MAST4: variants seen among roughly 807,000 people sequenced by gnomAD.
The protein encoded by MAST4 is microtubule associated serine/threonine kinase family member 4, also known as microtubule-associated serine/threonine-protein kinase 4.
MAST4 carries 89 observed loss-of-function variants against 162.7 expected under a neutral mutation model. That is an observed-to-expected ratio of 0.55 (90% CI 0.46 to 0.65). The LOEUF is 0.65. MAST4 is among the 30% of genes least tolerant of loss of function. The pLI is 0.00. For missense variants in MAST4, 3,153 were observed against 3,374.0 expected (o/e 0.93, Z 1.62); for synonymous variants, 1,479 against 1,361.1 (o/e 1.09, Z -1.91).
chr5:66,705,564 A>G (rs750725367), intron 1 of MAST4, among the ~76,000 whole-genome samples: 6 of 152,208 alleles, frequency 3.9e-5, no homozygotes, highest in Non-Finnish European at 7.4e-5. Flanking sequence ...TGACACTTCC[A>G]TTTAAAATGC....
intron 3 of MAST4, among the ~76,000 whole-genome samples, chr5:66,818,640 C>T (rs534538685): frequency 1.4e-4 from 22 of 152,136 alleles, no homozygotes; most frequent in Non-Finnish European, 1.2e-4. Flanking sequence ...TGTGTGGGTA[C>T]GTGCACATTT....
chr5:66,819,214 G>A (rs770702389), intron 3 of MAST4, among the ~76,000 whole-genome samples: 4 of 152,124 alleles, frequency 2.6e-5, no homozygotes, highest in Non-Finnish European at 4.4e-5. Flanking sequence ...GTGGAATGAC[G>A]AGCAAGATTC....
At chr5:66,655,629 C>G (rs900954703) in intron 1 of MAST4, among the ~76,000 whole-genome samples, 1 of 152,152 alleles carries the variant, frequency 6.6e-6, no homozygotes, top group Non-Finnish European at 1.5e-5. Flanking sequence ...GGAGAGAATA[C>G]AAAGACGGCT....
rs149658032 is a variant in MAST4 at position 67,096,022 on chromosome 5, C to T, written c.912+347C>T. On this transcript the variant is annotated intron_variant, in intron 7 of 28. Coordinates refer to ENST00000403625, the MANE Select transcript of MAST4 (RefSeq NM_001164664.2). ...TGCCAGTGACATTATGCTAAAAATG[C>T]CATTGAACTTCGATAGACTGGGTCT... Among the ~76,000 whole-genome samples, 598 of 151,990 alleles carry T rather than the reference C, an allele frequency of 3.9e-3. 5 individuals carry two copies. Among genetic ancestry groups the T allele is most frequent in the African/African-American group, 0.012 (506 of 41,462 alleles).
At chr5:66,612,570 AG>A (rs1743361912) in intron 1 of MAST4, among the ~76,000 whole-genome samples, 1 of 152,214 alleles carries the variant, frequency 6.6e-6, no homozygotes, top group Non-Finnish European at 1.5e-5. Flanking sequence ...AGATCTGGTC[AG>A]GGCCTAAAGC....
intron 3 of MAST4, among the ~76,000 whole-genome samples, chr5:66,818,775 C>T (rs1413161443): frequency 6.6e-6 from 1 of 152,218 alleles, no homozygotes; most frequent in African/African-American, 2.4e-5. Context: ...TGTTCAGGAA[C>T]ATGGCGGCCA....
chr5:67,028,001 C>T (rs1441842708), intron 4 of MAST4, among the ~76,000 whole-genome samples: 3 of 152,172 alleles, frequency 2.0e-5, no homozygotes, highest in Non-Finnish European at 2.9e-5. Flanking sequence ...TCTCTACCTT[C>T]TTGAACGCTT....
intron 3 of MAST4, among the ~76,000 whole-genome samples, chr5:66,897,233 A>T (rs975447408): frequency 1.4e-4 from 21 of 152,134 alleles, no homozygotes; most frequent in Non-Finnish European, 2.9e-5. Flanking sequence ...CACTCCACAT[A>T]TGTCAAGCAC....
chr5:66,745,044 T>C (rs914131134), intron 1 of MAST4, among the ~76,000 whole-genome samples: 1 of 152,216 alleles, frequency 6.6e-6, no homozygotes, highest in African/African-American at 2.4e-5. Flanking sequence ...TGGTGTCAGG[T>C]ATGATCCCAG....
At chr5:67,040,634 C>T (rs899866127) in intron 4 of MAST4, among the ~76,000 whole-genome samples, 1 of 152,190 alleles carries the variant, frequency 6.6e-6, no homozygotes, top group Non-Finnish European at 1.5e-5. Flanking sequence ...ATCTCTTGTA[C>T]CTGACCCTCA....
At chr5:66,785,900 ACT>A (rs1390006323) in intron 2 of MAST4, among the ~76,000 whole-genome samples, 1 of 152,040 alleles carries the variant, frequency 6.6e-6, no homozygotes, top group Non-Finnish European at 1.5e-5. Context: ...ATAGTGTCTC[ACT>A]CTGTCACCCA....
intron 3 of MAST4, among the ~76,000 whole-genome samples, chr5:66,824,602 A>G (rs1757153647): frequency 6.6e-6 from 1 of 152,242 alleles, no homozygotes; most frequent in Non-Finnish European, 1.5e-5. Flanking sequence ...GGGGTAACCA[A>G]CACAGAACTA....
intron 3 of MAST4, among the ~76,000 whole-genome samples, chr5:66,851,488 G>T (rs182831987): frequency 6.6e-6 from 1 of 152,196 alleles, no homozygotes; most frequent in African/African-American, 2.4e-5. Context: ...GCCTTGAGTA[G>T]CCTCAGATGC....
chr5:67,081,089 TA>T lies in MAST4; in HGVS notation c.764-9071del, dbSNP rs1561626294. ...ATAATATATAATTGTATATATTATA[TA>T]ATATATAATTGTATATATTATATAT... On this transcript the variant is annotated intron_variant, in intron 5 of 28. Coordinates refer to ENST00000403625, the MANE Select transcript of MAST4 (RefSeq NM_001164664.2). Among the ~76,000 whole-genome samples, 29 of 139,104 alleles carry T rather than the reference TA, an allele frequency of 2.1e-4. 1 individual carries two copies. The highest frequency in any genetic ancestry group is 1.0e-3 in the East Asian group (5 of 5,018). The allele number at this position is 139,104 out of a possible 152,430, so 91.3% of individuals were successfully genotyped here. A position where few individuals can be genotyped will look rare whatever the true frequency, so the allele number is the denominator to read the frequency against.
chr5:67,077,059 C>A (rs907915108), intron 5 of MAST4, among the ~76,000 whole-genome samples: 5 of 152,234 alleles, frequency 3.3e-5, no homozygotes, highest in African/African-American at 1.2e-4. Context: ...AACTTAAAGA[C>A]ATACCCAGAC....
chr5:67,129,359 T>C (rs1768649793), intron 14 of MAST4, among the ~76,000 whole-genome samples: 1 of 152,184 alleles, frequency 6.6e-6, no homozygotes, highest in Non-Finnish European at 1.5e-5. Context: ...TGTCTCTGAA[T>C]TGGAAGCCAG....
intron 4 of MAST4, among the ~76,000 whole-genome samples, chr5:66,984,881 A>G (rs143528643): frequency 1.3e-3 from 194 of 152,242 alleles, no homozygotes; most frequent in African/African-American, 4.5e-3. Flanking sequence ...GAGGGCGGGG[A>G]GCAGGATCGT....
At chr5:66,710,115 C>T (rs1039912232) in intron 1 of MAST4, among the ~76,000 whole-genome samples, 1 of 152,214 alleles carries the variant, frequency 6.6e-6, no homozygotes, top group African/African-American at 2.4e-5. Flanking sequence ...TGCTTTGATC[C>T]TACTGACAGT....
At chr5:66,877,374 C>T (rs962539104) in intron 3 of MAST4, among the ~76,000 whole-genome samples, 6 of 152,134 alleles carry the variant, frequency 3.9e-5, no homozygotes, top group African/African-American at 1.4e-4. Context: ...TGTACAGCAA[C>T]CTGAGGATTT....
Sources: gnomAD v4.1 joint callset for allele counts (sites outside exome capture counted in the v4.1 genomes callset) on GRCh38, gnomAD v4.1.1 for gene constraint, MANE v1.5 for transcripts, NCBI Gene and HGNC (gene_info 2026-07-23, HGNC 2026-07-21) for gene names.